DOK1: variants seen among roughly 807,000 people sequenced by gnomAD.
DOK1 encodes Downstream of tyrosine kinase 1.
Under a neutral mutation model 24.0 loss-of-function variants are expected in DOK1, and 12 were observed. The observed-to-expected ratio is 0.50, with a 90% confidence interval of 0.32 to 0.81. The LOEUF (loss-of-function observed/expected upper bound fraction) is 0.81, where lower values mean the gene tolerates loss of function less well. DOK1 is among the 30% of genes least tolerant of loss of function. DOK1 has a pLI of 0.03. For missense variants in DOK1, 591 were observed against 620.7 expected, an observed-to-expected ratio of 0.95 and a Z score of 0.51; for synonymous variants, 250 against 260.9, an observed-to-expected ratio of 0.96 and a Z score of 0.40.
At chr2:74,554,495 C>A (rs1677252466), upstream of DOK1, 1 of 556,518 alleles carries the variant, frequency 1.8e-6, no homozygotes, top group Non-Finnish European at 3.2e-6. This position sits in a 1 kb window ranked among gnomAD's most constrained non-coding sequence, Gnocchi z 4.9. Context: ...AGGGCCCTCG[C>A]GCCAAAACCG....
At chr2:74,554,047 TCTC>T (rs531506448), upstream of DOK1, 1 of 151,636 alleles carries the variant, frequency 6.6e-6, no homozygotes, top group South Asian at 2.1e-4. This position sits in a 1 kb window ranked among gnomAD's most constrained non-coding sequence, Gnocchi z 4.9. Context: ...CATTCCGCCT[TCTC>T]CTTCCATTCC....
chr2:74,554,760 C>G lies in DOK1; in HGVS notation c.6C>G (p.Asp2Glu). The G allele has an allele frequency of 3.7e-6, 6 of 1,613,774 alleles. No homozygotes were observed. The highest frequency in any genetic ancestry group is 5.1e-6 in the Non-Finnish European group (6 of 1,180,008). M[D>E]GAVMEGPLFL... ...GGAAGGAACCGCCGGGGGCCATGGA[C>G]GGAGCAGTGATGGAAGGGCCGCTTT... The change falls in exon 1 of 5, where the codon GAC (aspartate) becomes GAG (glutamate). Residue 2 changes from aspartate (D) to glutamate (E), a missense_variant. Coordinates refer to ENST00000233668, the MANE Select transcript of DOK1 (RefSeq NM_001381.5). The surrounding 1 kb of genome is among the most constrained non-coding windows in gnomAD (Gnocchi z 4.9).
upstream of DOK1, among the ~76,000 whole-genome samples, chr2:74,553,688 C>G (rs957047356): frequency 1.3e-5 from 2 of 152,154 alleles, no homozygotes; most frequent in African/African-American, 4.8e-5. Context: ...TGTTCGAACA[C>G]CCGTAGCCCC....
chr2:74,556,738 A>G lies in DOK1; in HGVS notation c.1070A>G (p.Lys357Arg), dbSNP rs41295954. The G allele has an allele frequency of 2.0e-3, 3,155 of 1,614,136 alleles. 4 individuals are homozygous for G. The highest frequency in any genetic ancestry group is 2.3e-3 in the Non-Finnish European group (2,735 of 1,180,016). Residue 357 changes from lysine (K) to arginine (R), a missense_variant, in exon 5 of 5, where the codon AAA becomes AGA. Lys to Arg is a conservative substitution (Grantham distance 26). Coordinates refer to ENST00000233668, the MANE Select transcript of DOK1 (RefSeq NM_001381.5). This position sits in a 1 kb window ranked among gnomAD's most constrained non-coding sequence, Gnocchi z 4.1. ...CTGAAGGCCAAGCTGACAGACCCCAAAGAGGATCCCATCTATGATGAACCT... is the reference window on the plus strand; with the variant it reads ...CTGAAGGCCAAGCTGACAGACCCCAGAGAGGATCCCATCTATGATGAACCT... ...QLLKAKLTDP[K>R]EDPIYDEPEG...
upstream of DOK1, chr2:74,554,474 G>C (rs1412619227): frequency 1.9e-6 from 1 of 514,756 alleles, no homozygotes; most frequent in Admixed American, 3.5e-5. The surrounding 1 kb of genome is among the most constrained non-coding windows in gnomAD (Gnocchi z 4.9). Context: ...CAGCCACCAC[G>C]CCCAGAGGCC....
At chr2:74,551,325 C>T (rs1676996989), upstream of DOK1, among the ~76,000 whole-genome samples, 1 of 152,240 alleles carries the variant, frequency 6.6e-6, no homozygotes, top group African/African-American at 2.4e-5. Context: ...ACATCTCATT[C>T]ACATCCCAAC....
At position 74,555,716 on chromosome 2, in the gene DOK1, GC is replaced by G; in HGVS notation, c.454+50del. On this transcript the variant is annotated intron_variant, in intron 3 of 4. Transcript: ENST00000233668. The surrounding 1 kb of genome is among the most constrained non-coding windows in gnomAD (Gnocchi z 6.1). Reference sequence around the variant, plus strand: ...CAGGGATGGAGTGAAGAGGAGGAGGGCCGAGGGCCTTTGGGAAGTGGGTGGA... The same window carrying G: ...CAGGGATGGAGTGAAGAGGAGGAGGGCGAGGGCCTTTGGGAAGTGGGTGGA... 1 of 1,611,284 alleles carries G rather than the reference GC, an allele frequency of 6.2e-7. No individual in the cohort carries two copies. Among genetic ancestry groups the G allele is most frequent in the Non-Finnish European group, 8.5e-7 (1 of 1,179,054 alleles).
rs1370259168 is a variant in DOK1 at position 74,556,716 on chromosome 2, A to C, written c.1048A>C (p.Lys350Gln). Reference sequence around the variant, plus strand: ...TGAGCATGCGCAGCAGCAGTTGCTGAAGGCCAAGCTGACAGACCCCAAAGA... The same window carrying C: ...TGAGCATGCGCAGCAGCAGTTGCTGCAGGCCAAGCTGACAGACCCCAAAGA... ...LYEHAQQQLL[K>Q]AKLTDPKEDP... The change falls in exon 5 of 5, where the codon AAG becomes CAG. Residue 350 changes from lysine to glutamine, a missense_variant. Lys to Gln is a moderately conservative substitution (Grantham distance 53, BLOSUM62 1). Coordinates refer to ENST00000233668, the MANE Select transcript of DOK1 (RefSeq NM_001381.5). The surrounding 1 kb of genome is among the most constrained non-coding windows in gnomAD (Gnocchi z 4.1). The C allele has an allele frequency of 6.2e-7, 1 of 1,614,098 alleles. No homozygotes were observed. Among genetic ancestry groups the C allele is most frequent in the Non-Finnish European group, 8.5e-7 (1 of 1,180,042 alleles).
Position 74,554,906 on chromosome 2 carries a change from C to A in DOK1, c.60+92C>A, listed in dbSNP as rs1459777843. The A allele has an allele frequency of 6.4e-7, 1 of 1,569,254 alleles. No individual in the cohort carries two copies. Among genetic ancestry groups the A allele is most frequent in the Non-Finnish European group, 8.7e-7 (1 of 1,154,644 alleles). ...GAGAGGTGGGCAGCGGGCTGGAGAGCGGCGCCGGGAGTTGGAGAGCCTGTG... is the reference window on the plus strand; with the variant it reads ...GAGAGGTGGGCAGCGGGCTGGAGAGAGGCGCCGGGAGTTGGAGAGCCTGTG... On this transcript the variant is annotated intron_variant, in intron 1 of 4. Coordinates refer to ENST00000233668, the MANE Select transcript of DOK1 (RefSeq NM_001381.5). This position sits in a 1 kb window ranked among gnomAD's most constrained non-coding sequence, Gnocchi z 4.9.
At position 74,549,567 on chromosome 2, in the gene DOK1, T is replaced by C. The variant is rs1337348227; in HGVS notation, c.-358+395T>C. On this transcript the variant is annotated intron_variant, in intron 1 of 4. Transcript: ENST00000409429. This position sits in a 1 kb window ranked among gnomAD's most constrained non-coding sequence, Gnocchi z 5.3. ...GGGTCGAATTCGCACCTCCTCCACTTGCAGGTGATGCTCTACCTGGGGGCG... is the reference window on the plus strand; with the variant it reads ...GGGTCGAATTCGCACCTCCTCCACTCGCAGGTGATGCTCTACCTGGGGGCG... The C allele has an allele frequency of 1.2e-6, 2 of 1,609,660 alleles. No homozygotes were observed. Among genetic ancestry groups the C allele is most frequent in the East Asian group, 2.2e-5 (1 of 44,716 alleles).
chr2:74,554,532 G>C (rs1178340301), upstream of DOK1: 1 of 571,166 alleles, frequency 1.8e-6, no homozygotes. This position sits in a 1 kb window ranked among gnomAD's most constrained non-coding sequence, Gnocchi z 4.9. Context: ...CCACTGGCGC[G>C]CCCCCACGAC....
At chr2:74,554,457 T>G, upstream of DOK1, 1 of 487,986 alleles carries the variant, frequency 2.0e-6, no homozygotes, top group Non-Finnish European at 3.7e-6. The surrounding 1 kb of genome is among the most constrained non-coding windows in gnomAD (Gnocchi z 4.9). Context: ...GCATATGACG[T>G]CACGCGCAGC....
At chr2:74,552,630 C>T (rs748632204), upstream of DOK1, 106 of 1,552,232 alleles carry the variant, frequency 6.8e-5, no homozygotes, top group Admixed American at 1.5e-4. Flanking sequence ...ACTGACAGGT[C>T]GCATGGCAGG....
chr2:74,552,195 G>T, upstream of DOK1: 1 of 845,164 alleles, frequency 1.2e-6, no homozygotes, highest in Non-Finnish European at 1.8e-6. Context: ...TGTCATCCAT[G>T]GATTTACTCA....
chr2:74,552,410 C>T (rs765530045), upstream of DOK1: 7 of 1,613,748 alleles, frequency 4.3e-6, no homozygotes, highest in Admixed American at 1.7e-5. Context: ...CAGCCTGCAG[C>T]GTGAAGTCAT....
chr2:74,550,932 C>T (rs1472941000), upstream of DOK1, among the ~76,000 whole-genome samples: 1 of 149,822 alleles, frequency 6.7e-6, no homozygotes, highest in African/African-American at 2.4e-5. Flanking sequence ...TGTCTGAAAC[C>T]TGTTTTTTTT....
rs377485069 is a variant in DOK1, at chr2:74,556,054, G to T, written c.615G>T (p.Leu205=). The change falls in exon 4 of 5, where the codon CTG becomes CTT. Residue 205 remains leucine (L), a synonymous_variant. Transcript: ENST00000233668. The surrounding 1 kb of genome is among the most constrained non-coding windows in gnomAD (Gnocchi z 4.1). Reference sequence around the variant, plus strand: ...CACTCCTGTCCTGGCCCTACACTCTGTTGCGTCGCTATGGCCGGGACAAGG... The same window carrying T: ...CACTCCTGTCCTGGCCCTACACTCTTTTGCGTCGCTATGGCCGGGACAAGG... ...LEPLLSWPYT[L]LRRYGRDKVM... 7 of 1,602,242 alleles carry T rather than the reference G, an allele frequency of 4.4e-6. No individual in the cohort carries two copies. Among genetic ancestry groups the T allele is most frequent in the Non-Finnish European group, 6.0e-6 (7 of 1,173,314 alleles).
In DOK1 at chr2:74,555,700, A is replaced by C; in HGVS notation, c.454+32A>C. ...GCCTCAGAAGCCCGGGCAGGGATGGAGTGAAGAGGAGGAGGGCCGAGGGCC... is the reference window on the plus strand; with the variant it reads ...GCCTCAGAAGCCCGGGCAGGGATGGCGTGAAGAGGAGGAGGGCCGAGGGCC... On this transcript the variant is annotated intron_variant, in intron 3 of 4. Transcript: ENST00000233668. This position sits in a 1 kb window ranked among gnomAD's most constrained non-coding sequence, Gnocchi z 6.1. 6.2e-7 allele frequency: 1 copy of C among 1,612,942 alleles called. No individual in the cohort carries two copies. The highest frequency in any genetic ancestry group is 1.1e-5 in the South Asian group (1 of 90,962).
chr2:74,555,176 T>C lies in DOK1; in HGVS notation c.83T>C (p.Val28Ala). The change falls in exon 2 of 5, where the codon GTG (valine) becomes GCG (alanine). Residue 28 changes from valine (V) to alanine (A), a missense_variant. Physicochemically the swap from Val to Ala is moderately conservative, Grantham distance 64 (BLOSUM62 0). Transcript: ENST00000233668. The surrounding 1 kb of genome is among the most constrained non-coding windows in gnomAD (Gnocchi z 6.1). ...TAGAGGTGGAGGAAGACCTGGGCCG[T>C]GCTCTACCCGGCCAGTCCCCACGGC... ...GTKRWRKTWAVLYPASPHGVA... is the reference protein window; with the variant it reads ...GTKRWRKTWAALYPASPHGVA... 1 of 1,613,010 alleles carries C rather than the reference T, an allele frequency of 6.2e-7. No homozygotes were observed. The highest frequency in any genetic ancestry group is 1.1e-5 in the South Asian group (1 of 91,040).
Sources: gnomAD v4.1 joint callset for allele counts (sites outside exome capture counted in the v4.1 genomes callset) on GRCh38, gnomAD v4.1.1 for gene constraint, Gnocchi (gnomAD v3.1) non-coding constraint, MANE v1.5 for transcripts, NCBI Gene and HGNC (gene_info 2026-07-23, HGNC 2026-07-21) for gene names.